The following ESR1 variants were observed in gnomAD, a reference collection of about 807,000 sequenced individuals.
The protein encoded by ESR1 is estrogen receptor.
In ESR1, 12 loss-of-function variants were observed where a neutral mutation model predicts 52.7. The observed-to-expected ratio is 0.23, with a 90% CI of 0.15 to 0.37. The LOEUF is 0.37. Among genes scored for constraint, ESR1 ranks in the 10% least tolerant of loss-of-function variants. ESR1 has a pLI of 1.00. For synonymous variants in ESR1, 305 were observed against 316.8 expected, an observed-to-expected ratio of 0.96 and a Z score of 0.39; for missense variants, 584 against 779.7, an observed-to-expected ratio of 0.75 and a Z score of 2.99.
At chr6:152,105,404 T>C (rs1389061345), downstream of ESR1, among the ~76,000 whole-genome samples, 1 of 151,002 alleles carries the variant, frequency 6.6e-6, no homozygotes, top group Admixed American at 6.6e-5. Context: ...ATTTTTAGGG[T>C]GTCATTTTAA....
chr6:151,674,041 T>C (rs1225994733), intron 1 of ESR1, among the ~76,000 whole-genome samples: 1 of 152,216 alleles, frequency 6.6e-6, no homozygotes, highest in Non-Finnish European at 1.5e-5. Flanking sequence ...TACTTTAAGT[T>C]CTGGGATACA....
At chr6:151,979,474 A>C (rs1024337902) in intron 4 of ESR1, among the ~76,000 whole-genome samples, 4 of 152,170 alleles carry the variant, frequency 2.6e-5, no homozygotes, top group Non-Finnish European at 5.9e-5. Flanking sequence ...CAGTAAAATA[A>C]ATGATTAGTC....
chr6:151,827,454 A>G (rs1191593575), intron 1 of ESR1, among the ~76,000 whole-genome samples: 2 of 152,010 alleles, frequency 1.3e-5, no homozygotes, highest in Non-Finnish European at 2.9e-5. Flanking sequence ...ACTCTGAGTG[A>G]GTCGAAAATC....
intron 1 of ESR1, among the ~76,000 whole-genome samples, chr6:151,826,904 G>A (rs148392477): frequency 6.6e-6 from 1 of 152,276 alleles, no homozygotes; most frequent in Non-Finnish European, 1.5e-5. Context: ...ATAAGGGAGG[G>A]AATAGTACCA....
intron 5 of ESR1, among the ~76,000 whole-genome samples, chr6:152,032,404 C>T (rs2044804563): frequency 6.6e-6 from 1 of 152,184 alleles, no homozygotes; most frequent in Non-Finnish European, 1.5e-5. Context: ...ATCGTCTCAG[C>T]GCAAAATCTC....
chr6:151,855,603 A>G (rs1198859523), intron 2 of ESR1, among the ~76,000 whole-genome samples: 1 of 152,208 alleles, frequency 6.6e-6, no homozygotes, highest in African/African-American at 2.4e-5. Context: ...GGAGAAATGC[A>G]AAGATATATC....
exon 7 of ESR1, chr6:152,129,452 T>C (rs67734009): frequency 0.1 from 15,487 of 152,226 alleles, 1,021 homozygotes; most frequent in Non-Finnish European, 0.14. Context: ...TCTCTACTTA[T>C]AGGGGGCTGA....
chr6:151,738,426 T>C (rs1782831084), intron 2 of ESR1, among the ~76,000 whole-genome samples: 1 of 152,210 alleles, frequency 6.6e-6, no homozygotes, highest in Non-Finnish European at 1.5e-5. Flanking sequence ...TTTAAATTTC[T>C]CGGAAACTGC....
At chr6:151,934,452 A>T (rs2034106131) in intron 3 of ESR1, among the ~76,000 whole-genome samples, 1 of 152,244 alleles carries the variant, frequency 6.6e-6, no homozygotes, top group Non-Finnish European at 1.5e-5. Context: ...TGAATAAAAT[A>T]AAATTAAAAT....
At chr6:151,805,027 C>A (rs1282396155), upstream of ESR1, 1 of 152,178 alleles carries the variant, frequency 6.6e-6, no homozygotes, top group Non-Finnish European at 1.5e-5. Context: ...ATGTTCATAT[C>A]CTAGGCTTTT....
At chr6:152,080,701 A>G (rs1292355184) in intron 6 of ESR1, among the ~76,000 whole-genome samples, 3 of 152,234 alleles carry the variant, frequency 2.0e-5, no homozygotes, top group Non-Finnish European at 4.4e-5. Flanking sequence ...TAAAAGACAC[A>G]GACTGGCAAA....
At chr6:151,882,729 A>G (rs1322414569) in intron 3 of ESR1, among the ~76,000 whole-genome samples, 1 of 152,024 alleles carries the variant, frequency 6.6e-6, no homozygotes, top group Non-Finnish European at 1.5e-5. Flanking sequence ...AGGGGTACCC[A>G]TGCATTGACC....
intron 4 of ESR1, among the ~76,000 whole-genome samples, chr6:151,950,777 C>T (rs1375050911): frequency 6.6e-6 from 1 of 152,130 alleles, no homozygotes; most frequent in Non-Finnish European, 1.5e-5. Flanking sequence ...TTTCAGACTT[C>T]TAGCCTCCAG....
chr6:151,715,416 T>C (rs1780952840), intron 2 of ESR1, among the ~76,000 whole-genome samples: 1 of 152,236 alleles, frequency 6.6e-6, no homozygotes, highest in Non-Finnish European at 1.5e-5. Context: ...TCCTGGATAA[T>C]ATCCTGAAAA....
At chr6:151,865,798 G>A (rs989871833) in intron 2 of ESR1, among the ~76,000 whole-genome samples, 2 of 152,162 alleles carry the variant, frequency 1.3e-5, no homozygotes, top group Non-Finnish European at 2.9e-5. Flanking sequence ...TTTCTTTCCT[G>A]AGGCTAGCTC....
rs886431174 is a variant in ESR1 at position 152,050,641 on chromosome 6, T to C, written c.1236-10350T>C. On this transcript the variant is annotated intron_variant, in intron 5 of 7. Coordinates refer to ENST00000206249, the MANE Select transcript of ESR1 (RefSeq NM_000125.4). ...AAACATAGAGTTTTGCCCAAGGCCA[T>C]TAGCTTTGCATGTTAACAAGTGGGC... Among the ~76,000 whole-genome samples, 11 of 152,284 alleles carry C rather than the reference T, an allele frequency of 7.2e-5. No homozygotes were observed. In the South Asian group the frequency reaches 1.9e-3, roughly 26 times the overall value.
intron 3 of ESR1, among the ~76,000 whole-genome samples, chr6:151,898,934 G>A (rs1345825601): frequency 1.3e-5 from 2 of 152,252 alleles, no homozygotes; most frequent in African/African-American, 2.4e-5. Flanking sequence ...CAGACGGGGT[G>A]GTGGCCGGGC....
intron 2 of ESR1, among the ~76,000 whole-genome samples, chr6:151,773,287 A>T (rs2128110273): frequency 6.6e-6 from 1 of 152,332 alleles, no homozygotes; most frequent in Middle Eastern, 3.4e-3. Flanking sequence ...GAAGCATGCA[A>T]CAGATTTTCT....
intron 4 of ESR1, among the ~76,000 whole-genome samples, chr6:151,947,160 A>G (rs1261048312): frequency 6.6e-6 from 1 of 152,134 alleles, no homozygotes; most frequent in Non-Finnish European, 1.5e-5. Context: ...TCTACAAAAC[A>G]GTACAAAAAT....
Sources: gnomAD v4.1 joint callset for allele counts (sites outside exome capture counted in the v4.1 genomes callset) on GRCh38, gnomAD v4.1.1 for gene constraint, MANE v1.5 for transcripts, NCBI Gene and HGNC (gene_info 2026-07-23, HGNC 2026-07-21) for gene names.